VPS35: variants seen among roughly 807,000 people sequenced by gnomAD.
VPS35 encodes the protein vacuolar protein sorting-associated protein 35.
A neutral mutation model predicts 98.1 loss-of-function variants in VPS35; 21 were observed. The observed-to-expected ratio is 0.21, with a 90% CI of 0.15 to 0.31. The LOEUF (loss-of-function observed/expected upper bound fraction) is 0.31, where lower values mean the gene tolerates loss of function less well. Among genes scored for constraint, VPS35 ranks in the 10% least tolerant of loss-of-function variants. The pLI is 1.00. For synonymous variants in VPS35, 268 were observed against 318.2 expected, an observed-to-expected ratio of 0.84 and a Z score of 1.68; for missense variants, 554 against 950.8, an observed-to-expected ratio of 0.58 and a Z score of 5.49.
intron 1 of VPS35, chr16:46,688,225 T>C: frequency 1.3e-6 from 1 of 790,914 alleles, no homozygotes; most frequent in Non-Finnish European, 1.5e-6. Flanking sequence ...AGTAAGGTAA[T>C]TAAAGCGGAC....
rs375643041 is a variant in VPS35, at chr16:46,662,288, T to C, written c.2022A>G (p.Ala674=). 4 of 1,614,080 alleles carry C rather than the reference T, an allele frequency of 2.5e-6. No homozygotes were observed. Among genetic ancestry groups the C allele is most frequent in the Non-Finnish European group, 3.4e-6 (4 of 1,180,050 alleles). Residue 674 remains alanine, a synonymous_variant, in exon 15 of 17, where the codon GCA becomes GCG. Coordinates refer to ENST00000299138, the MANE Select transcript of VPS35 (RefSeq NM_018206.6). The part of the protein sequence containing the change: ...PDQGRAVSTC[A]HLFWSGRNTD... Reference sequence around the variant, plus strand: ...TGTTTCTGCCAGACCAGAAGAGATGTGCACAGGTGCTCACAGCTCGGCCCT... The same window carrying C: ...TGTTTCTGCCAGACCAGAAGAGATGCGCACAGGTGCTCACAGCTCGGCCCT...
intron 6 of VPS35, 80 bp downstream of exon 6, chr16:46,678,863 A>G (rs780254660): frequency 4.1e-6 from 6 of 1,467,398 alleles, no homozygotes; most frequent in Non-Finnish European, 1.9e-6. Flanking sequence ...GTACTATTGT[A>G]TAACAAAAAT....
chr16:46,688,763 G>A (rs902921808), intron 1 of VPS35: 1 of 1,232,662 alleles, frequency 8.1e-7, no homozygotes, highest in South Asian at 2.2e-5. Context: ...GCCTCCACGC[G>A]CCCCGGGGGC....
intron 13 of VPS35, among the ~76,000 whole-genome samples, chr16:46,664,763 C>T (rs557247094): frequency 7.2e-4 from 109 of 152,124 alleles, no homozygotes; most frequent in African/African-American, 2.1e-3. Context: ...TCAGGTGATC[C>T]GCCTGCCTCA....
Position 46,673,894 on chromosome 16 carries a change from C to T in VPS35, c.1160+420G>A, listed in dbSNP as rs557174574. Reference sequence around the variant, plus strand: ...ATGCAGCCCAGGATGGCTTTGAATGCGGCCCAACACAAATTCGTAAACTTT... The same window carrying T: ...ATGCAGCCCAGGATGGCTTTGAATGTGGCCCAACACAAATTCGTAAACTTT... On this transcript the variant is annotated intron_variant, in intron 10 of 16. Transcript: ENST00000299138. The T allele has an allele frequency of 4.2e-5, 8 of 189,368 alleles. No individual in the cohort carries two copies. In the South Asian group the frequency reaches 4.9e-4, roughly 12 times the overall value. The allele number at this position is 189,368 out of a possible 1,614,324, so 11.7% of individuals were successfully genotyped here.
In VPS35 at chr16:46,689,151, T is replaced by G. The variant is rs767812765; in HGVS notation, c.-18A>C. On this transcript the variant is annotated 5_prime_UTR_variant, in exon 1 of 17. Coordinates refer to ENST00000299138, the MANE Select transcript of VPS35 (RefSeq NM_018206.6). ...CTCACCATGGCGACTCCCCAGAGCCTGCAGCAAGCAGCACCCGCCCCGCGC... is the reference window on the plus strand; with the variant it reads ...CTCACCATGGCGACTCCCCAGAGCCGGCAGCAAGCAGCACCCGCCCCGCGC... 2 of 1,608,236 alleles carry G rather than the reference T, an allele frequency of 1.2e-6. No homozygotes were observed. Among genetic ancestry groups the G allele is most frequent in the Non-Finnish European group, 1.7e-6 (2 of 1,178,288 alleles).
chr16:46,670,494 A>G (rs1257458881), intron 12 of VPS35, among the ~76,000 whole-genome samples: 1 of 152,128 alleles, frequency 6.6e-6, no homozygotes, highest in African/African-American at 2.4e-5. Context: ...CATGTTGGCC[A>G]TGCTGATCCT....
At chr16:46,680,615 A>G in intron 5 of VPS35, 56 bp downstream of exon 5, 1 of 1,561,098 alleles carries the variant, frequency 6.4e-7, no homozygotes, top group Non-Finnish European at 8.8e-7. Flanking sequence ...CCACACTTTT[A>G]TACATTCTAC....
rs1398988817 is a variant in VPS35 at position 46,657,710 on chromosome 16, C to CTT, written c.*2761_*2762insAA. On this transcript the variant is annotated 3_prime_UTR_variant, in exon 17 of 17. Coordinates refer to ENST00000299138, the MANE Select transcript of VPS35 (RefSeq NM_018206.6). The stretch of plus-strand genomic sequence containing the variant: ...AGGCAAAGAAGGGATCATCTGGACT[C>CTT]TAAGAATCACTGGTTTCCTGGGTAG... 1 of 152,156 alleles carries CTT rather than the reference C, an allele frequency of 6.6e-6. No individual in the cohort carries two copies. The highest frequency in any genetic ancestry group is 1.5e-5 in the Non-Finnish European group (1 of 68,060). 9.4% of individuals were successfully genotyped at this position (152,156 alleles called of 1,614,324 possible). A position where few individuals can be genotyped will look rare whatever the true frequency, so the allele number is the denominator to read the frequency against.
In VPS35 at chr16:46,657,878, GT is replaced by G. The variant is rs1486338691; in HGVS notation, c.*2593del. On this transcript the variant is annotated 3_prime_UTR_variant, in exon 17 of 17. Transcript: ENST00000299138. The stretch of plus-strand genomic sequence containing the variant: ...AGCACCAAGCCTGCCCTGGTTCAGC[GT>G]TTCCATCCACCTGTGAGGGATTCCC... The G allele has an allele frequency of 3.3e-5, 5 of 152,064 alleles. No individual in the cohort carries two copies. The highest frequency in any genetic ancestry group is 1.3e-4 in the Admixed American group (2 of 15,260). The allele number at this position is 152,064 out of a possible 1,614,324, so 9.4% of individuals were successfully genotyped here.
Position 46,681,648 on chromosome 16 carries a change from G to C in VPS35, c.200-148C>G, listed in dbSNP as rs537417650. The C allele has an allele frequency of 3.2e-6, 3 of 943,426 alleles. No individual in the cohort carries two copies. The East Asian group carries it at 8.1e-5, about 25-fold the overall frequency. The allele number at this position is 943,426 out of a possible 1,614,324, so 58.4% of individuals were successfully genotyped here. Reference sequence around the variant, plus strand: ...TTCAAGCGAAGGATGAATTTTAGCCGGACTTTTCTTACTTTAAAATAAGGG... The same window carrying C: ...TTCAAGCGAAGGATGAATTTTAGCCCGACTTTTCTTACTTTAAAATAAGGG... On this transcript the variant is annotated intron_variant, in intron 3 of 16. Transcript: ENST00000299138.
At position 46,663,015 on chromosome 16, in the gene VPS35, G is replaced by C. The variant is rs148255605; in HGVS notation, c.1795C>G (p.His599Asp). The change falls in exon 14 of 17, where the codon CAT becomes GAT. Residue 599 changes from histidine (H) to aspartate (D), a missense_variant. Physicochemically the swap from His to Asp is moderately conservative, Grantham distance 81. Transcript: ENST00000299138. ...LAAGEIGFEN[H>D]ETVAYEFMSQ... ...ATGAATTCATATGCGACTGTCTCAT[G>C]ATTTTCAAAACCAATTTCCCCAGCA... 3.7e-6 allele frequency: 6 copies of C among 1,614,192 alleles called. No homozygotes were observed. The highest frequency in any genetic ancestry group is 5.1e-6 in the Non-Finnish European group (6 of 1,180,040).
chr16:46,673,259 C>G (rs1596717795), intron 10 of VPS35, among the ~76,000 whole-genome samples: 1 of 152,152 alleles, frequency 6.6e-6, no homozygotes. Flanking sequence ...GTGCAAGCCA[C>G]CACACCTGGC....
At chr16:46,677,864 A>G (rs1966174858) in intron 6 of VPS35, among the ~76,000 whole-genome samples, 1 of 152,198 alleles carries the variant, frequency 6.6e-6, no homozygotes, top group Non-Finnish European at 1.5e-5. Flanking sequence ...ATCCTAGGTC[A>G]TAAAGATTTC....
Position 46,677,304 on chromosome 16 carries a change from T to C in VPS35, c.804+11A>G. On this transcript the variant is annotated intron_variant, in intron 7 of 16. Coordinates refer to ENST00000299138, the MANE Select transcript of VPS35 (RefSeq NM_018206.6). ...AGGTCGTTTAAAAAAAAATGAAATG[T>C]TCCCAGCTACCTGAATAATACACTC... 6.2e-7 allele frequency: 1 copy of C among 1,611,568 alleles called. No individual in the cohort carries two copies. Among genetic ancestry groups the C allele is most frequent in the Non-Finnish European group, 8.5e-7 (1 of 1,177,802 alleles).
At chr16:46,665,099 AG>A (rs1468571514) in intron 13 of VPS35, among the ~76,000 whole-genome samples, 1 of 152,250 alleles carries the variant, frequency 6.6e-6, no homozygotes, top group Non-Finnish European at 1.5e-5. Context: ...GAAGTATTAT[AG>A]TAATTCACAC....
At chr16:46,684,370 C>G (rs981132152) in intron 1 of VPS35, among the ~76,000 whole-genome samples, 1 of 152,144 alleles carries the variant, frequency 6.6e-6, no homozygotes, top group African/African-American at 2.4e-5. Context: ...GTGACCAGCC[C>G]CTCCTTGGCA....
intron 16 of VPS35, 166 bp from the exon 17 acceptor site, chr16:46,660,817 T>C: frequency 4.1e-6 from 1 of 243,154 alleles, no homozygotes; most frequent in Non-Finnish European, 7.4e-6. Flanking sequence ...AATTACTGAC[T>C]ATCAAAAAAA....
chr16:46,666,812 C>T (rs1002710621), intron 13 of VPS35, among the ~76,000 whole-genome samples: 2 of 152,172 alleles, frequency 1.3e-5, no homozygotes, highest in African/African-American at 4.8e-5. Flanking sequence ...CATATACACA[C>T]ATATATACGT....
Sources: gnomAD v4.1 joint callset for allele counts (sites outside exome capture counted in the v4.1 genomes callset) on GRCh38, gnomAD v4.1.1 for gene constraint, MANE v1.5 for transcripts, NCBI Gene and HGNC (gene_info 2026-07-23, HGNC 2026-07-21) for gene names.